PCDHGA5: variants seen among roughly 807,000 people sequenced by gnomAD.
The protein encoded by PCDHGA5 is protocadherin gamma-A5.
Under a neutral mutation model 56.7 loss-of-function variants are expected in PCDHGA5, and 36 were observed. That is an observed-to-expected ratio of 0.64 (90% confidence interval 0.49 to 0.84). PCDHGA5 has a LOEUF of 0.84. PCDHGA5 is among the 40% of genes least tolerant of loss of function. The probability of loss-of-function intolerance (pLI) is 0.00; values close to 1 mark genes in which losing one functional copy is unlikely to be tolerated. For missense variants in PCDHGA5, 1,305 were observed against 1,201.5 expected, an observed-to-expected ratio of 1.09 and a Z score of -1.27; for synonymous variants, 563 against 520.2, an observed-to-expected ratio of 1.08 and a Z score of -1.12.
At chr5:141,415,153 G>A in intron 1 of PCDHGA5, 4 of 1,613,780 alleles carry the variant, frequency 2.5e-6, no homozygotes, top group South Asian at 2.2e-5. Flanking sequence ...CCCTCTCTCC[G>A]CCACTGTCAC....
At chr5:141,441,298 T>C (rs1289976355) in intron 1 of PCDHGA5, 1 of 152,150 alleles carries the variant, frequency 6.6e-6, no homozygotes, top group Non-Finnish European at 1.5e-5. Flanking sequence ...ATGTCTGATA[T>C]AAGAAAATGC....
At chr5:141,501,288 T>TATACAC (rs201660636) in intron 2 of PCDHGA5, among the ~76,000 whole-genome samples, 3,536 of 81,176 alleles carry the variant, frequency 0.044, 56 homozygotes, top group Admixed American at 0.065. Flanking sequence ...GATATTCCCT[T>TATACAC]ATACACACAC....
rs201851177 is a variant in PCDHGA5, at chr5:141,376,061, C to G, written c.2421+9310C>G. On this transcript the variant is annotated intron_variant, in intron 1 of 3. Transcript: ENST00000518069. ...GCCCCCTCTCTCCGCCACTGTCACG[C>G]TCACCGTGGCCGTGGCCGACAGGAT... is the stretch of plus-strand genomic sequence containing the variant. The G allele has an allele frequency of 8.2e-4, 1,321 of 1,613,326 alleles. No individual in the cohort carries two copies. Among genetic ancestry groups the G allele is most frequent in the Non-Finnish European group, 1.0e-3 (1,200 of 1,179,910 alleles).
At chr5:141,468,746 G>A (rs1298497433) in intron 1 of PCDHGA5, among the ~76,000 whole-genome samples, 1 of 151,850 alleles carries the variant, frequency 6.6e-6, no homozygotes, top group Non-Finnish European at 1.5e-5. Flanking sequence ...GGTGCCTGTA[G>A]TCCCAGCTAC....
At position 141,512,116 on chromosome 5, in the gene PCDHGA5, T is replaced by TTA. The variant is rs2099884085; in HGVS notation, c.*943_*944insTA. On this transcript the variant is annotated 3_prime_UTR_variant, in exon 4 of 4. Coordinates refer to ENST00000518069, the MANE Select transcript of PCDHGA5 (RefSeq NM_018918.3). ...ACTAGGCTGGACCCTTCCCACTACA[T>TTA]AATAGGGCTCAGCCCAGGCAGCCAG... 1 of 152,600 alleles carries TTA rather than the reference T, an allele frequency of 6.6e-6. No homozygotes were observed. The highest frequency in any genetic ancestry group is 2.1e-4 in the South Asian group (1 of 4,832). 9.5% of individuals were successfully genotyped at this position (152,600 alleles called of 1,614,324 possible).
intron 1 of PCDHGA5, chr5:141,402,830 G>A: frequency 7.4e-7 from 1 of 1,346,490 alleles, no homozygotes; most frequent in Non-Finnish European, 9.8e-7. Flanking sequence ...CTCCCAGGCT[G>A]CAGCAAAACT....
chr5:141,410,189 G>T, intron 1 of PCDHGA5: 1 of 1,613,992 alleles, frequency 6.2e-7, no homozygotes, highest in Non-Finnish European at 8.5e-7. Flanking sequence ...GCTTCATCTG[G>T]TCTTCGCAGA....
Position 141,431,461 on chromosome 5 carries a change from T to C in PCDHGA5, c.2422-63346T>C, listed in dbSNP as rs1477501293. 1 of 1,613,800 alleles carries C rather than the reference T, an allele frequency of 6.2e-7. No individual in the cohort carries two copies. Among genetic ancestry groups the C allele is most frequent in the Admixed American group, 1.7e-5 (1 of 60,032 alleles). ...CGCGCATCCGCGTGATGGTTCTGGA[T>C]GCGAACGACAACGCACCAGCGTTTG... On this transcript the variant is annotated intron_variant, in intron 1 of 3. Transcript: ENST00000518069. The surrounding 1 kb of genome is among the most constrained non-coding windows in gnomAD (Gnocchi z 4.8).
chr5:141,366,288 C>G lies in PCDHGA5; in HGVS notation c.1958C>G (p.Pro653Arg), dbSNP rs1020562585. Residue 653 changes from proline (P) to arginine (R), a missense_variant, in exon 1 of 4, where the codon CCT becomes CGT. By Grantham distance (103) the Pro-to-Arg change is moderately radical (BLOSUM62 -2). Coordinates refer to ENST00000518069, the MANE Select transcript of PCDHGA5 (RefSeq NM_018918.3). The stretch of plus-strand genomic sequence containing the variant: ...GCCGTCGAAGACCATGGCCAGCCCC[C>G]TCTGTCAGCCACCTTCACGGTCACC... Reference protein sequence around the residue: ...VVAVEDHGQPPLSATFTVTVA... With the variant: ...VVAVEDHGQPRLSATFTVTVA... 1 of 1,613,748 alleles carries G rather than the reference C, an allele frequency of 6.2e-7. No individual in the cohort carries two copies. The highest frequency in any genetic ancestry group is 8.5e-7 in the Non-Finnish European group (1 of 1,180,006).
At chr5:141,368,178 A>G (rs1230488076) in intron 1 of PCDHGA5, among the ~76,000 whole-genome samples, 3 of 152,200 alleles carry the variant, frequency 2.0e-5, no homozygotes, top group Non-Finnish European at 4.4e-5. Context: ...TCAAATAATG[A>G]CTAAATAAGG....
intron 3 of PCDHGA5, among the ~76,000 whole-genome samples, chr5:141,509,437 C>T (rs923580110): frequency 2.6e-5 from 4 of 152,104 alleles, no homozygotes; most frequent in African/African-American, 9.7e-5. Context: ...ACTCTTGTTT[C>T]CTCCTCTCCC....
rs539348000 is a variant in PCDHGA5 at position 141,504,908 on chromosome 5, G to A, written c.2481-485G>A. 5.9e-5 allele frequency among the ~76,000 whole-genome samples: 9 copies of A among 152,208 alleles called. No homozygotes were observed. In the East Asian group the frequency reaches 1.7e-3, roughly 29 times the overall value. On this transcript the variant is annotated intron_variant, in intron 2 of 3. Coordinates refer to ENST00000518069, the MANE Select transcript of PCDHGA5 (RefSeq NM_018918.3). Reference sequence around the variant, plus strand: ...AGGTCTGATCTCCCTCACTATGACAGGAAGCCAGGCTCTCTCATGGTGGGT... The same window carrying A: ...AGGTCTGATCTCCCTCACTATGACAAGAAGCCAGGCTCTCTCATGGTGGGT...
intron 1 of PCDHGA5, chr5:141,413,618 A>G (rs1188549125): frequency 6.2e-7 from 1 of 1,613,916 alleles, no homozygotes; most frequent in Non-Finnish European, 8.5e-7. Context: ...AAAATTAATG[A>G]AAATGTCGCT....
intron 1 of PCDHGA5, among the ~76,000 whole-genome samples, chr5:141,455,045 C>G (rs1008259013): frequency 6.6e-6 from 1 of 151,798 alleles, no homozygotes; most frequent in Non-Finnish European, 1.5e-5. Context: ...ATCTCCTGAC[C>G]TCGTGATCCG....
rs1036223789 is a variant in PCDHGA5, at chr5:141,511,298, G to C, written c.*125G>C. 49 of 1,502,412 alleles carry C rather than the reference G, an allele frequency of 3.3e-5. No homozygotes were observed. The African/African-American group carries it at 6.7e-4, about 20-fold the overall frequency. 93.1% of individuals were successfully genotyped at this position (1,502,412 alleles called of 1,614,324 possible). A position where few individuals can be genotyped will look rare whatever the true frequency, so the allele number is the denominator to read the frequency against. The stretch of plus-strand genomic sequence containing the variant: ...GAATACTGGTAGGGGCCAAGGCCAT[G>C]CTCCCCTTGGGAAACAGAAACAAGT... On this transcript the variant is annotated 3_prime_UTR_variant, in exon 4 of 4. Coordinates refer to ENST00000518069, the MANE Select transcript of PCDHGA5 (RefSeq NM_018918.3).
Position 141,476,873 on chromosome 5 carries a change from G to A in PCDHGA5, c.2422-17934G>A. 1.9e-6 allele frequency: 3 copies of A among 1,613,936 alleles called. No homozygotes were observed. Among genetic ancestry groups the A allele is most frequent in the Non-Finnish European group, 2.5e-6 (3 of 1,180,038 alleles). Reference sequence around the variant, plus strand: ...CAACCAGTCCTTGTACCGGGCGCGCGTCCTGGAGGATGCACCCTCCGGCAC... The same window carrying A: ...CAACCAGTCCTTGTACCGGGCGCGCATCCTGGAGGATGCACCCTCCGGCAC... On this transcript the variant is annotated intron_variant, in intron 1 of 3. Transcript: ENST00000518069. The surrounding 1 kb of genome is among the most constrained non-coding windows in gnomAD (Gnocchi z 7.6).
At chr5:141,410,706 G>A in intron 1 of PCDHGA5, 1 of 1,454,410 alleles carries the variant, frequency 6.9e-7, no homozygotes, top group Non-Finnish European at 9.2e-7. Flanking sequence ...TTCATATCTA[G>A]AATCATATGT....
chr5:141,418,497 CCG>C, intron 1 of PCDHGA5: 1 of 1,613,994 alleles, frequency 6.2e-7, no homozygotes, highest in Non-Finnish European at 8.5e-7. Flanking sequence ...TTGGTACTGA[CCG>C]CCTTAGATGG....
chr5:141,490,402 G>A lies in PCDHGA5; in HGVS notation c.2422-4405G>A. On this transcript the variant is annotated intron_variant, in intron 1 of 3. Coordinates refer to ENST00000518069, the MANE Select transcript of PCDHGA5 (RefSeq NM_018918.3). This position sits in a 1 kb window ranked among gnomAD's most constrained non-coding sequence, Gnocchi z 5.4. The stretch of plus-strand genomic sequence containing the variant: ...AGGTAGAAATGGTGAAGTGAGCCTT[G>A]ATATCTCTCCGGACCTGCCATTTCA... 6.2e-7 allele frequency: 1 copy of A among 1,614,182 alleles called. No homozygotes were observed. The highest frequency in any genetic ancestry group is 8.5e-7 in the Non-Finnish European group (1 of 1,180,024).
Sources: allele counts gnomAD v4.1 joint callset (sites outside exome capture counted in the v4.1 genomes callset), GRCh38; gene constraint gnomAD v4.1.1; non-coding constraint Gnocchi (gnomAD v3.1); transcripts MANE v1.5; gene names NCBI Gene and HGNC (gene_info 2026-07-23, HGNC 2026-07-21).